NKAIN1: variants seen among roughly 807,000 people sequenced by gnomAD.
The protein encoded by NKAIN1 is sodium/potassium-transporting ATPase subunit beta-1-interacting protein 1.
A neutral mutation model predicts 31.6 loss-of-function variants in NKAIN1; 13 were observed. The observed-to-expected ratio is 0.41, with a 90% CI of 0.27 to 0.65. NKAIN1 has a LOEUF of 0.65. NKAIN1 is among the 30% of genes least tolerant of loss of function. NKAIN1 has a pLI of 0.30. For missense variants in NKAIN1, 193 were observed against 262.2 expected, an observed-to-expected ratio of 0.74 and a Z score of 1.82; for synonymous variants, 104 against 109.0, an observed-to-expected ratio of 0.95 and a Z score of 0.28.
chr1:31,184,072 C>A (rs1645224346), intron 3 of NKAIN1, 58 bp from the exon 4 acceptor site: 1 of 1,482,618 alleles, frequency 6.7e-7, no homozygotes, highest in Non-Finnish European at 9.3e-7. Context: ...GGGAGCTACT[C>A]CCCCAGCCCA....
chr1:31,239,308 A>G lies in NKAIN1; in HGVS notation c.54+186T>C, dbSNP rs1645715350. Among the ~76,000 whole-genome samples, 1 of 152,048 alleles carries G rather than the reference A, an allele frequency of 6.6e-6. No homozygotes were observed. The highest frequency in any genetic ancestry group is 1.5e-5 in the Non-Finnish European group (1 of 67,980). ...CCGGGCACAGCAGCGAGAAGCGCAC[A>G]CAAAGAGACAGCCCGGCCAGCGGGA... On this transcript the variant is annotated intron_variant, in intron 1 of 6. Transcript: ENST00000373736. The surrounding 1 kb of genome is among the most constrained non-coding windows in gnomAD (Gnocchi z 4.8).
chr1:31,207,299 T>C (rs74063694), intron 1 of NKAIN1, among the ~76,000 whole-genome samples: 6,122 of 152,280 alleles, frequency 0.04, 346 homozygotes, highest in African/African-American at 0.12. Flanking sequence ...CTGTCATTTA[T>C]TAGCCAACTG....
chr1:31,202,233 G>A (rs1274972852), intron 1 of NKAIN1, among the ~76,000 whole-genome samples: 1 of 152,172 alleles, frequency 6.6e-6, no homozygotes, highest in Non-Finnish European at 1.5e-5. Flanking sequence ...GCCCCTTCTG[G>A]GCAGATCCAA....
At chr1:31,237,334 G>T (rs567555349) in intron 1 of NKAIN1, among the ~76,000 whole-genome samples, 2 of 152,282 alleles carry the variant, frequency 1.3e-5, no homozygotes, top group African/African-American at 4.8e-5. Flanking sequence ...TCATAGGGCT[G>T]TTAGGATTAA....
chr1:31,188,274 C>G, intron 1 of NKAIN1, 87 bp from the exon 2 acceptor site: 1 of 1,440,130 alleles, frequency 6.9e-7, no homozygotes, highest in Non-Finnish European at 9.4e-7. Flanking sequence ...GCAGGTGGCA[C>G]CAGTTACCAT....
intron 1 of NKAIN1, among the ~76,000 whole-genome samples, chr1:31,226,531 T>C (rs1366874905): frequency 6.6e-6 from 1 of 151,390 alleles, no homozygotes; most frequent in Non-Finnish European, 1.5e-5. Context: ...ATCTTTTTTT[T>C]TTTTTTTTTT....
At chr1:31,195,957 C>T (rs914485901) in intron 1 of NKAIN1, among the ~76,000 whole-genome samples, 6 of 151,138 alleles carry the variant, frequency 4.0e-5, no homozygotes, top group African/African-American at 4.9e-5. Flanking sequence ...TATCTCAACA[C>T]TCTCACCCCC....
At chr1:31,185,216 G>A (rs746386319) in intron 3 of NKAIN1, 31 bp downstream of exon 3, 2 of 1,576,206 alleles carry the variant, frequency 1.3e-6, no homozygotes, top group Non-Finnish European at 1.7e-6. Context: ...GTCAGGCTCT[G>A]CCCTATGGCA....
chr1:31,218,883 G>A (rs1465343584), intron 1 of NKAIN1, among the ~76,000 whole-genome samples: 1 of 152,206 alleles, frequency 6.6e-6, no homozygotes, highest in Non-Finnish European at 1.5e-5. Flanking sequence ...GGCAGCCTGG[G>A]GACGGCAGTG....
intron 1 of NKAIN1, among the ~76,000 whole-genome samples, chr1:31,197,104 CTTTTTTTT>C (rs922550782): frequency 7.4e-6 from 1 of 134,582 alleles, no homozygotes; most frequent in South Asian, 2.4e-4. Context: ...TGGATTTTTA[CTTTTTTTT>C]TTTTTTTTTT....
chr1:31,220,407 G>A (rs1430004213), intron 1 of NKAIN1, among the ~76,000 whole-genome samples: 1 of 151,952 alleles, frequency 6.6e-6, no homozygotes, highest in Admixed American at 6.6e-5. Context: ...GTCCACATGG[G>A]CAGGGACATT....
intron 1 of NKAIN1, among the ~76,000 whole-genome samples, chr1:31,205,303 T>G (rs1645414820): frequency 6.6e-6 from 1 of 150,498 alleles, no homozygotes; most frequent in Non-Finnish European, 1.5e-5. Flanking sequence ...GCTAATTTTT[T>G]GTTTGTTTGT....
chr1:31,230,471 G>C (rs116104413), intron 1 of NKAIN1, among the ~76,000 whole-genome samples: 2,582 of 152,286 alleles, frequency 0.017, 38 homozygotes, highest in Non-Finnish European at 0.027. Flanking sequence ...GGGGCCAGGA[G>C]GCCAATGTAA....
At chr1:31,195,616 C>G (rs1366121953) in intron 1 of NKAIN1, among the ~76,000 whole-genome samples, 1 of 151,800 alleles carries the variant, frequency 6.6e-6, no homozygotes, top group African/African-American at 2.4e-5. Context: ...AAAGCCTCTC[C>G]CATTAAAAAA....
intron 1 of NKAIN1, among the ~76,000 whole-genome samples, chr1:31,196,437 C>T (rs1645327492): frequency 6.9e-6 from 1 of 145,340 alleles, no homozygotes; most frequent in Non-Finnish European, 1.5e-5. Context: ...GGCTTGAACC[C>T]AGGAGGCGGA....
chr1:31,181,794 C>T (rs376468982), intron 6 of NKAIN1, 66 bp downstream of exon 6: 211 of 1,561,390 alleles, frequency 1.4e-4, no homozygotes, highest in Non-Finnish European at 1.1e-4. Context: ...GCCCACTCCT[C>T]CATCCCCTCC....
intron 1 of NKAIN1, among the ~76,000 whole-genome samples, chr1:31,213,932 T>A (rs918870638): frequency 2.2e-4 from 34 of 151,566 alleles, no homozygotes; most frequent in African/African-American, 8.2e-4. Flanking sequence ...AGATTGAGGC[T>A]GCAGTAAGCT....
chr1:31,232,315 T>C (rs1298000364), intron 1 of NKAIN1, among the ~76,000 whole-genome samples: 4 of 145,270 alleles, frequency 2.8e-5, no homozygotes, highest in Non-Finnish European at 6.0e-5. Flanking sequence ...GGTCTCGAAC[T>C]CCTGACCTCA....
intron 1 of NKAIN1, among the ~76,000 whole-genome samples, chr1:31,218,811 A>G (rs1456159705): frequency 1.3e-5 from 2 of 152,196 alleles, no homozygotes; most frequent in Non-Finnish European, 2.9e-5. Flanking sequence ...GGCCCCAGAC[A>G]GCCTCTCAGT....
Sources: gnomAD v4.1 joint callset for allele counts (sites outside exome capture counted in the v4.1 genomes callset) on GRCh38, gnomAD v4.1.1 for gene constraint, Gnocchi (gnomAD v3.1) non-coding constraint, MANE v1.5 for transcripts, NCBI Gene and HGNC (gene_info 2026-07-23, HGNC 2026-07-21) for gene names.